The following CTNNA3 variants were observed in gnomAD, a reference collection of about 807,000 sequenced individuals.
CTNNA3 encodes the protein catenin alpha 3.
CTNNA3 carries 76 observed loss-of-function variants against 95.7 expected under a neutral mutation model. The ratio of observed to expected loss-of-function variants is 0.79; its 90% CI spans 0.66 to 0.96. The LOEUF is 0.96. Among genes scored for constraint, CTNNA3 ranks in the 40% least tolerant of loss-of-function variants. CTNNA3 has a pLI of 0.00. For synonymous variants in CTNNA3, 431 were observed against 374.4 expected (o/e 1.15, Z -1.74); for missense variants, 1,191 against 1,089.8 (o/e 1.09, Z -1.31).
intron 1 of CTNNA3, among the ~76,000 whole-genome samples, chr10:67,682,640 G>GGAATTTAATA (rs1284277576): frequency 6.6e-6 from 1 of 152,054 alleles, no homozygotes; most frequent in East Asian, 1.9e-4. Context: ...TAAATTATGT[G>GGAATTTAATA]TACTCTTGAA....
At chr10:66,618,860 A>G (rs1232828009) in intron 10 of CTNNA3, among the ~76,000 whole-genome samples, 2 of 152,210 alleles carry the variant, frequency 1.3e-5, no homozygotes. Context: ...AAACACATTT[A>G]CAAGAAAAAA....
chr10:65,919,626 A>C lies in CTNNA3; in HGVS notation c.*704T>G, dbSNP rs2077052097. The C allele has an allele frequency of 6.6e-6, 1 of 152,210 alleles. No homozygotes were observed. The highest frequency in any genetic ancestry group is 2.1e-4 in the South Asian group (1 of 4,836). The allele number at this position is 152,210 out of a possible 1,614,324, so 9.4% of individuals were successfully genotyped here. A position where few individuals can be genotyped will look rare whatever the true frequency, so the allele number is the denominator to read the frequency against. Reference sequence around the variant, plus strand: ...ACTCTCTAACACATTGGAAACCCAAAAGGTGAGTATGTGGCATCAGAACTC... The same window carrying C: ...ACTCTCTAACACATTGGAAACCCAACAGGTGAGTATGTGGCATCAGAACTC... On this transcript the variant is annotated 3_prime_UTR_variant, in exon 18 of 18. Transcript: ENST00000433211.
intron 16 of CTNNA3, among the ~76,000 whole-genome samples, chr10:65,971,294 G>A (rs2078096050): frequency 6.8e-6 from 1 of 146,780 alleles, no homozygotes; most frequent in Non-Finnish European, 1.5e-5. Context: ...GTTAGCAGAG[G>A]AAAAGAAAAA....
intron 13 of CTNNA3, among the ~76,000 whole-genome samples, chr10:66,246,647 A>G (rs1336085954): frequency 6.6e-6 from 1 of 152,066 alleles, no homozygotes. Flanking sequence ...TGATTTTAAC[A>G]GAGACTGAAA....
At chr10:66,157,469 C>T (rs567742394) in intron 13 of CTNNA3, among the ~76,000 whole-genome samples, 1 of 146,336 alleles carries the variant, frequency 6.8e-6, no homozygotes, top group African/African-American at 2.6e-5. Context: ...GATAGATAGA[C>T]AGATGATAGA....
At chr10:67,733,775 C>A (rs897682873) in intron 1 of CTNNA3, among the ~76,000 whole-genome samples, 1 of 152,164 alleles carries the variant, frequency 6.6e-6, no homozygotes, top group South Asian at 2.1e-4. Flanking sequence ...TACATTGCCA[C>A]TCATGCTTTA....
In CTNNA3 at chr10:67,061,529, A is replaced by C. The variant is rs538427924; in HGVS notation, c.1047+118788T>G. ...CATCTTTAGCTGGAGTGGAGGCTGC[A>C]CTTCCCTTGTCCCTTAACAGGCATA... On this transcript the variant is annotated intron_variant, in intron 7 of 17. Coordinates refer to ENST00000433211, the MANE Select transcript of CTNNA3 (RefSeq NM_013266.4). Among the ~76,000 whole-genome samples, 5 of 152,222 alleles carry C rather than the reference A, an allele frequency of 3.3e-5. No individual in the cohort carries two copies. In the South Asian group the frequency reaches 1.0e-3, roughly 32 times the overall value.
At chr10:66,592,173 C>G (rs1843575313) in intron 10 of CTNNA3, among the ~76,000 whole-genome samples, 2 of 151,578 alleles carry the variant, frequency 1.3e-5, no homozygotes, top group Non-Finnish European at 2.9e-5. Flanking sequence ...TTACATTAAC[C>G]ACAAATTTAA....
At chr10:67,616,446 T>C (rs1297609879) in intron 2 of CTNNA3, among the ~76,000 whole-genome samples, 1 of 152,218 alleles carries the variant, frequency 6.6e-6, no homozygotes, top group Non-Finnish European at 1.5e-5. Context: ...TAGGAGTCCG[T>C]TGCTGTAGCC....
At chr10:66,290,335 A>G (rs1322799627) in intron 12 of CTNNA3, among the ~76,000 whole-genome samples, 1 of 152,090 alleles carries the variant, frequency 6.6e-6, no homozygotes, top group Non-Finnish European at 1.5e-5. Context: ...AGGTACAGCA[A>G]TTAAGTATAA....
intron 4 of CTNNA3, among the ~76,000 whole-genome samples, chr10:67,523,847 C>A (rs1041474633): frequency 2.6e-5 from 4 of 152,082 alleles, no homozygotes; most frequent in Non-Finnish European, 5.9e-5. Context: ...TTGCCCATTT[C>A]TTGGTTCATT....
intron 3 of CTNNA3, among the ~76,000 whole-genome samples, chr10:67,573,080 C>A (rs899171038): frequency 2.0e-5 from 3 of 152,162 alleles, no homozygotes; most frequent in African/African-American, 7.2e-5. Flanking sequence ...CAGAGTGAGA[C>A]CCTGTGTCAA....
chr10:66,978,048 A>C (rs1303520974), intron 7 of CTNNA3, among the ~76,000 whole-genome samples: 1 of 5,996 alleles, frequency 1.7e-4, no homozygotes, highest in Non-Finnish European at 1.5e-3. Flanking sequence ...ATAAATTTGC[A>C]CACACATATA....
intron 6 of CTNNA3, among the ~76,000 whole-genome samples, chr10:67,197,814 G>GA (rs1222091099): frequency 3.3e-5 from 5 of 151,306 alleles, no homozygotes; most frequent in East Asian, 1.9e-4. Flanking sequence ...TAGGGCTTAA[G>GA]AAAAAAAAAT....
intron 7 of CTNNA3, among the ~76,000 whole-genome samples, chr10:66,996,164 T>A (rs184420360): frequency 1.3e-5 from 2 of 152,262 alleles, no homozygotes; most frequent in East Asian, 3.9e-4. Context: ...GTCTCAAAGC[T>A]CTGTTGATAA....
chr10:66,476,587 T>C (rs1003631700), intron 11 of CTNNA3, among the ~76,000 whole-genome samples: 1 of 152,130 alleles, frequency 6.6e-6, no homozygotes, highest in African/African-American at 2.4e-5. Flanking sequence ...ATTTATCTTA[T>C]TTGTTAAATA....
chr10:66,194,444 G>T (rs1199145734), intron 13 of CTNNA3, among the ~76,000 whole-genome samples: 2 of 152,088 alleles, frequency 1.3e-5, no homozygotes, highest in Admixed American at 6.6e-5. Flanking sequence ...GCCATGCATG[G>T]TGGCAGGCAC....
At chr10:66,150,071 G>A (rs2084113892) in intron 13 of CTNNA3, among the ~76,000 whole-genome samples, 1 of 152,104 alleles carries the variant, frequency 6.6e-6, no homozygotes, top group South Asian at 2.1e-4. Context: ...GGTTGATATG[G>A]TTTGGCTGTG....
At chr10:66,216,882 G>A (rs938608180) in intron 13 of CTNNA3, among the ~76,000 whole-genome samples, 1 of 152,042 alleles carries the variant, frequency 6.6e-6, no homozygotes, top group Non-Finnish European at 1.5e-5. Context: ...TTTATCTTGT[G>A]TATAGATTCT....
Sources: allele counts gnomAD v4.1 joint callset (sites outside exome capture counted in the v4.1 genomes callset), GRCh38; gene constraint gnomAD v4.1.1; transcripts MANE v1.5; gene names NCBI Gene and HGNC (gene_info 2026-07-23, HGNC 2026-07-21).